Variants in MCPH1 observed in about 807,000 individuals in gnomAD.
The protein encoded by MCPH1 is microcephalin 1.
Under a neutral mutation model 84.5 loss-of-function variants are expected in MCPH1, and 104 were observed. The observed-to-expected ratio is 1.23, with a 90% CI of 1.05 to 1.45. The LOEUF is 1.45. Among genes scored for constraint, MCPH1 ranks in the 40% most tolerant of loss-of-function variants. MCPH1 has a pLI of 0.00. For missense variants in MCPH1, 1,498 were observed against 1,005.7 expected (o/e 1.49, Z -6.62); for synonymous variants, 514 against 366.8 (o/e 1.40, Z -4.58).
chr8:6,461,078 C>T (rs1806230125), intron 9 of MCPH1, among the ~76,000 whole-genome samples: 1 of 152,038 alleles, frequency 6.6e-6, no homozygotes, highest in South Asian at 2.1e-4. Context: ...TTGAGATGAA[C>T]ACGTAGGTCA....
intron 3 of MCPH1, among the ~76,000 whole-genome samples, chr8:6,422,039 A>G (rs567810515): frequency 2.0e-5 from 3 of 152,172 alleles, no homozygotes; most frequent in East Asian, 1.9e-4. Context: ...TTCAAGCCCT[A>G]TTTGTTATTC....
At chr8:6,549,667 C>T (rs984398423) in intron 12 of MCPH1, among the ~76,000 whole-genome samples, 14 of 143,148 alleles carry the variant, frequency 9.8e-5, no homozygotes, top group African/African-American at 2.9e-4. Flanking sequence ...GAGCTGCCTG[C>T]AGGGGAAGAA....
At chr8:6,416,430 G>C (rs190955975) in intron 3 of MCPH1, among the ~76,000 whole-genome samples, 21 of 152,318 alleles carry the variant, frequency 1.4e-4, no homozygotes, top group Admixed American at 2.6e-4. Context: ...TATTTCGTAT[G>C]ATGGTAACTG....
At chr8:6,593,147 A>C (rs1211700390) in intron 12 of MCPH1, among the ~76,000 whole-genome samples, 2 of 145,474 alleles carry the variant, frequency 1.4e-5, no homozygotes, top group African/African-American at 2.6e-5. Flanking sequence ...GCAATGGCAC[A>C]ATCTTGGCTC....
intron 12 of MCPH1, chr8:6,621,098 G>A: frequency 8.4e-6 from 3 of 355,322 alleles, no homozygotes; most frequent in South Asian, 7.3e-5. Context: ...GCCGTCACTT[G>A]CACACGTCAC....
At chr8:6,486,706 G>A (rs1191780060) in intron 11 of MCPH1, among the ~76,000 whole-genome samples, 6 of 152,158 alleles carry the variant, frequency 3.9e-5, no homozygotes, top group African/African-American at 1.4e-4. Context: ...TGAATTGTCT[G>A]GCAGATACAT....
intron 12 of MCPH1, among the ~76,000 whole-genome samples, chr8:6,549,274 T>A (rs1823160624): frequency 6.6e-6 from 1 of 152,148 alleles, no homozygotes; most frequent in Non-Finnish European, 1.5e-5. Flanking sequence ...CACTGCACGG[T>A]GATGGAAAAG....
chr8:6,556,492 G>A (rs7015809), intron 12 of MCPH1, among the ~76,000 whole-genome samples: 117 of 108,666 alleles, frequency 1.1e-3, no homozygotes, highest in African/African-American at 4.0e-3. Context: ...CCTTTGTGCT[G>A]TGTTTAATTT....
At chr8:6,603,717 G>A (rs1829543462) in intron 12 of MCPH1, among the ~76,000 whole-genome samples, 1 of 152,292 alleles carries the variant, frequency 6.6e-6, no homozygotes, top group East Asian at 1.9e-4. Context: ...CAGAAAGTAG[G>A]TTGTGCAAGG....
At chr8:6,466,160 CAG>C (rs1222967680) in intron 9 of MCPH1, among the ~76,000 whole-genome samples, 5 of 121,616 alleles carry the variant, frequency 4.1e-5, no homozygotes, top group Non-Finnish European at 6.7e-5. Context: ...TTTCCTGAGA[CAG>C]AGTCTTGCTC....
intron 12 of MCPH1, among the ~76,000 whole-genome samples, chr8:6,561,962 C>G (rs1269600888): frequency 2.0e-5 from 3 of 152,114 alleles, no homozygotes; most frequent in East Asian, 3.9e-4. Flanking sequence ...CACGTGGGGA[C>G]GCATTCCGCA....
chr8:6,625,887 CAGG>C (rs1832026211), intron 13 of MCPH1: 2 of 985,332 alleles, frequency 2.0e-6, no homozygotes, highest in South Asian at 9.4e-5. Context: ...GGTGGAGAAC[CAGG>C]AGTTTTTTAG....
Position 6,441,978 on chromosome 8 carries a change from C to A in MCPH1, c.581-89C>A, listed in dbSNP as rs911871456. 2.2e-5 allele frequency: 19 copies of A among 864,834 alleles called. No individual in the cohort carries two copies. The African/African-American group carries it at 2.8e-4, about 13-fold the overall frequency. The allele number at this position is 864,834 out of a possible 1,614,324, so 53.6% of individuals were successfully genotyped here. Reference sequence around the variant, plus strand: ...TGATTATAGGATTTAATAGAATCACCTATGATTAATAGGAGGACTTCCTGC... The same window carrying A: ...TGATTATAGGATTTAATAGAATCACATATGATTAATAGGAGGACTTCCTGC... On this transcript the variant is annotated intron_variant, in intron 6 of 13. Transcript: ENST00000344683.
chr8:6,450,744 T>TTTG (rs1035667279), intron 8 of MCPH1, among the ~76,000 whole-genome samples: 2 of 151,948 alleles, frequency 1.3e-5, no homozygotes, highest in African/African-American at 2.4e-5. Flanking sequence ...GTTGGGGTTT[T>TTTG]TTGTTGTTGT....
intron 2 of MCPH1, among the ~76,000 whole-genome samples, chr8:6,410,164 CGG>C (rs1798337599): frequency 6.6e-6 from 1 of 150,868 alleles, no homozygotes; most frequent in African/African-American, 2.4e-5. Flanking sequence ...TTAGTAAAGA[CGG>C]GGTTTCACCA....
At position 6,520,014 on chromosome 8, in the gene MCPH1, C is replaced by G. The variant is rs1057009494; in HGVS notation, c.2214+20085C>G. 3 of 1,610,772 alleles carry G rather than the reference C, an allele frequency of 1.9e-6. No individual in the cohort carries two copies. In the African/African-American group the frequency reaches 4.0e-5, roughly 22 times the overall value. On this transcript the variant is annotated intron_variant, in intron 12 of 13. Coordinates refer to ENST00000344683, the MANE Select transcript of MCPH1 (RefSeq NM_024596.5). ...TAGCTGCTTTTAAAAAATAGTAAGG[C>G]ATTTAAACGGAGTTCATGAAAAGAC...
chr8:6,637,020 G>A (rs933929515), intron 13 of MCPH1, among the ~76,000 whole-genome samples: 1 of 152,204 alleles, frequency 6.6e-6, no homozygotes, highest in Non-Finnish European at 1.5e-5. Flanking sequence ...TCAAATATCA[G>A]AGCAGAAAGA....
At chr8:6,450,262 T>G (rs965813976) in intron 8 of MCPH1, among the ~76,000 whole-genome samples, 1 of 152,056 alleles carries the variant, frequency 6.6e-6, no homozygotes, top group Non-Finnish European at 1.5e-5. Flanking sequence ...ATTAAACATT[T>G]ATTGGCAAGC....
At chr8:6,470,098 C>T (rs1807517562) in intron 9 of MCPH1, among the ~76,000 whole-genome samples, 1 of 152,102 alleles carries the variant, frequency 6.6e-6, no homozygotes, top group Non-Finnish European at 1.5e-5. Context: ...TTGCAGTAGG[C>T]ATTCTGTAGT....
Sources: allele counts gnomAD v4.1 joint callset (sites outside exome capture counted in the v4.1 genomes callset), GRCh38; gene constraint gnomAD v4.1.1; transcripts MANE v1.5; gene names NCBI Gene and HGNC (gene_info 2026-07-23, HGNC 2026-07-21).